RBPJ: variants seen among roughly 807,000 people sequenced by gnomAD.
RBPJ encodes the protein recombination signal binding protein for immunoglobulin kappa J region.
RBPJ carries 9 observed loss-of-function variants against 67.8 expected under a neutral mutation model. The ratio of observed to expected loss-of-function variants is 0.13; its 90% CI spans 0.08 to 0.23. RBPJ has a LOEUF of 0.23. Among genes scored for constraint, RBPJ ranks in the 10% least tolerant of loss-of-function variants. The pLI is 1.00. For missense variants in RBPJ, 305 were observed against 595.6 expected (o/e 0.51, Z 5.08); for synonymous variants, 198 against 203.3 (o/e 0.97, Z 0.22).
intron 1 of RBPJ, among the ~76,000 whole-genome samples, chr4:26,380,268 A>G (rs972048708): frequency 6.6e-5 from 10 of 152,250 alleles, no homozygotes; most frequent in Non-Finnish European, 1.2e-4. Context: ...TATAAATTAT[A>G]TAGATGAACG....
intron 1 of RBPJ, among the ~76,000 whole-genome samples, chr4:26,167,058 C>G (rs1254492666): frequency 6.6e-6 from 1 of 152,108 alleles, no homozygotes; most frequent in Non-Finnish European, 1.5e-5. Flanking sequence ...GGGCTCTGTT[C>G]TGTTCCATCG....
At position 26,367,535 on chromosome 4, in the gene RBPJ, G is replaced by A. The variant is rs571395962; in HGVS notation, c.21-18818G>A. ...TATGTTAGGACTTGTTTGTATAATAGGTGCTTCTTCAATTCAGAAGGCAAA... is the reference window on the plus strand; with the variant it reads ...TATGTTAGGACTTGTTTGTATAATAAGTGCTTCTTCAATTCAGAAGGCAAA... On this transcript the variant is annotated intron_variant, in intron 1 of 10. Coordinates refer to ENST00000355476, the MANE Select transcript of RBPJ (RefSeq NM_015874.6). Among the ~76,000 whole-genome samples, 22 of 152,280 alleles carry A rather than the reference G, an allele frequency of 1.4e-4. 1 individual carries two copies. The highest frequency in any genetic ancestry group is 3.4e-3 in the Middle Eastern group (1 of 294).
chr4:26,211,952 AT>A (rs1441799975), intron 1 of RBPJ, among the ~76,000 whole-genome samples: 1 of 152,134 alleles, frequency 6.6e-6, no homozygotes, highest in Non-Finnish European at 1.5e-5. Context: ...GAAGGCAGAG[AT>A]GGGGGTGATG....
At chr4:26,109,727 C>A in the RBPJ span, among the ~76,000 whole-genome samples, 1,226 of 95,412 alleles carry the variant, frequency 0.013, 129 homozygotes, top group East Asian at 0.038. Context: ...CTCTCTCTCT[C>A]TCTATATATA....
At chr4:26,364,819 G>A (rs969875390) in intron 1 of RBPJ, among the ~76,000 whole-genome samples, 1 of 151,482 alleles carries the variant, frequency 6.6e-6, no homozygotes, top group East Asian at 1.9e-4. Context: ...TAGAGACGGG[G>A]TTTCGCTATG....
intron 1 of RBPJ, among the ~76,000 whole-genome samples, chr4:26,285,587 G>T (rs964719971): frequency 2.7e-5 from 4 of 147,184 alleles, no homozygotes; most frequent in African/African-American, 5.1e-5. Context: ...ACAAAACATT[G>T]GTATCAATAG....
Position 26,216,694 on chromosome 4 carries a change from G to A in RBPJ, c.-167+53080G>A, listed in dbSNP as rs1007024332. Among the ~76,000 whole-genome samples, 3 of 152,228 alleles carry A rather than the reference G, an allele frequency of 2.0e-5. No homozygotes were observed. The South Asian group carries it at 6.2e-4, about 32-fold the overall frequency. ...TTTTGGGAGGCTGAGGCTGAGGTCT[G>A]GGTGGATCACTTAAGCCTGGGAGTT... is the stretch of plus-strand genomic sequence containing the variant. On this transcript the variant is annotated intron_variant, in intron 1 of 4. Transcript: ENST00000512351.
At chr4:26,225,769 T>A (rs963715294) in intron 1 of RBPJ, among the ~76,000 whole-genome samples, 1 of 151,846 alleles carries the variant, frequency 6.6e-6, no homozygotes, top group Non-Finnish European at 1.5e-5. Context: ...AAAAAAAAGA[T>A]CTATTAATTT....
At chr4:26,336,331 A>G (rs896611352) in intron 1 of RBPJ, among the ~76,000 whole-genome samples, 1 of 152,122 alleles carries the variant, frequency 6.6e-6, no homozygotes, top group African/African-American at 2.4e-5. Context: ...ATGAAAGATT[A>G]TTTAGAGATC....
intron 1 of RBPJ, among the ~76,000 whole-genome samples, chr4:26,288,721 A>G (rs1057346109): frequency 1.3e-5 from 2 of 152,234 alleles, no homozygotes; most frequent in Admixed American, 1.3e-4. Flanking sequence ...ATAACAACCA[A>G]CATTTCTAGA....
chr4:26,215,327 AAAAGAGAGAG>A (rs1233556051), intron 1 of RBPJ, among the ~76,000 whole-genome samples: 6 of 51,520 alleles, frequency 1.2e-4, no homozygotes, highest in Admixed American at 2.3e-4. Context: ...GAAAGAAAGA[AAAAGAGAGAG>A]AGAAAGAAAG....
chr4:26,320,705 A>G, upstream of RBPJ: 1 of 1,538,024 alleles, frequency 6.5e-7, no homozygotes, highest in Non-Finnish European at 8.8e-7. Flanking sequence ...CTCAGTCTCC[A>G]CGTACGTCCC....
chr4:26,378,102 T>C (rs1729946592), intron 1 of RBPJ, among the ~76,000 whole-genome samples: 1 of 152,096 alleles, frequency 6.6e-6, no homozygotes, highest in South Asian at 2.1e-4. Context: ...CTGGGCCAGT[T>C]CCTCAGTTTT....
At chr4:26,363,876 T>A (rs1277596791) in intron 1 of RBPJ, among the ~76,000 whole-genome samples, 1 of 152,244 alleles carries the variant, frequency 6.6e-6, no homozygotes, top group African/African-American at 2.4e-5. Flanking sequence ...GTCTTCGTAA[T>A]ACCTACTTAA....
chr4:26,144,563 C>T, the RBPJ span, among the ~76,000 whole-genome samples: 9 of 152,138 alleles, frequency 5.9e-5, no homozygotes, highest in African/African-American at 2.2e-4. Flanking sequence ...AGTCACTGCA[C>T]CCAGCCTAAA....
At chr4:26,196,564 A>G (rs142269493) in intron 1 of RBPJ, among the ~76,000 whole-genome samples, 204 of 152,348 alleles carry the variant, frequency 1.3e-3, no homozygotes, top group African/African-American at 4.3e-3. Context: ...ACTGTTATCT[A>G]CATTCGATAG....
chr4:26,355,695 A>G (rs145394192), intron 1 of RBPJ, among the ~76,000 whole-genome samples: 3 of 152,288 alleles, frequency 2.0e-5, no homozygotes, highest in Non-Finnish European at 4.4e-5. Context: ...ATTAACAGAT[A>G]AGAACTTTGA....
intron 1 of RBPJ, among the ~76,000 whole-genome samples, chr4:26,198,575 A>G (rs1403525975): frequency 1.3e-5 from 2 of 152,192 alleles, no homozygotes; most frequent in Admixed American, 6.5e-5. Flanking sequence ...CTATTTGAAT[A>G]TATTAACTCA....
chr4:26,397,054 G>A (rs1307005256), intron 2 of RBPJ, among the ~76,000 whole-genome samples: 2 of 152,200 alleles, frequency 1.3e-5, no homozygotes, highest in African/African-American at 2.4e-5. Context: ...TCTTAGTCTG[G>A]TCTAATAGCT....
Sources: gnomAD v4.1 joint callset for allele counts (sites outside exome capture counted in the v4.1 genomes callset) on GRCh38, gnomAD v4.1.1 for gene constraint, MANE v1.5 for transcripts, NCBI Gene and HGNC (gene_info 2026-07-23, HGNC 2026-07-21) for gene names.